THAP5: variants seen among roughly 807,000 people sequenced by gnomAD.
The protein encoded by THAP5 is THAP domain containing 5.
In THAP5, 26 loss-of-function variants were observed where a neutral mutation model predicts 34.0. The observed-to-expected ratio is 0.77, with a 90% CI of 0.56 to 1.06. THAP5 has a LOEUF of 1.06. THAP5 is among the 50% of genes least tolerant of loss of function. The pLI is 0.00. For missense variants in THAP5, 394 were observed against 452.8 expected (o/e 0.87, Z 1.18); for synonymous variants, 125 against 153.0 (o/e 0.82, Z 1.35).
downstream of THAP5, among the ~76,000 whole-genome samples, chr7:108,550,020 C>T (rs1388969418): frequency 3.3e-5 from 5 of 152,164 alleles, no homozygotes; most frequent in Admixed American, 2.0e-4. Context: ...GAATAATAAA[C>T]TATCATCTAG....
chr7:108,553,279 G>C (rs1244410919), downstream of THAP5, among the ~76,000 whole-genome samples: 2 of 152,010 alleles, frequency 1.3e-5, no homozygotes, highest in Admixed American at 1.3e-4. Flanking sequence ...CTGGCCTCAA[G>C]TGATCCTCTT....
the THAP5 span, among the ~76,000 whole-genome samples, chr7:108,543,012 C>T: frequency 2.0e-5 from 3 of 151,950 alleles, no homozygotes; most frequent in Non-Finnish European, 4.4e-5. Context: ...TTGGAACCTC[C>T]GTCTCCCAGG....
chr7:108,552,717 T>C (rs1864361283), downstream of THAP5, among the ~76,000 whole-genome samples: 1 of 152,156 alleles, frequency 6.6e-6, no homozygotes, highest in Admixed American at 6.5e-5. Context: ...GGAGAATTGC[T>C]TGAACCCGGG....
chr7:108,569,663 C>CCCTGCG lies in THAP5; in HGVS notation c.-100_-95dup. On this transcript the variant is annotated 5_prime_UTR_variant, in exon 1 of 3. Coordinates refer to ENST00000415914, the MANE Select transcript of THAP5 (RefSeq NM_001130475.3). ...CGCCACAGGTCCAGGCCTCTCGAGC[C>CCCTGCG]CCTGCGCCTGCGCTAGCATTCTGCC... The CCCTGCG allele has an allele frequency of 6.8e-7, 1 of 1,474,122 alleles. No homozygotes were observed. Among genetic ancestry groups the CCCTGCG allele is most frequent in the East Asian group, 2.5e-5 (1 of 40,390 alleles). 91.3% of individuals were successfully genotyped at this position (1,474,122 alleles called of 1,614,324 possible).
chr7:108,569,647 T>G lies in THAP5; in HGVS notation c.-78A>C. 1.3e-6 allele frequency: 2 copies of G among 1,519,000 alleles called. No individual in the cohort carries two copies. Among genetic ancestry groups the G allele is most frequent in the African/African-American group, 2.8e-5 (2 of 72,422 alleles). 94.1% of individuals were successfully genotyped at this position (1,519,000 alleles called of 1,614,324 possible). A position where few individuals can be genotyped will look rare whatever the true frequency, so the allele number is the denominator to read the frequency against. ...CTCCTCACTGAGGATGCGCCACAGG[T>G]CCAGGCCTCTCGAGCCCCTGCGCCT... On this transcript the variant is annotated 5_prime_UTR_variant, in exon 1 of 3. Transcript: ENST00000415914.
At chr7:108,550,230 T>C (rs1864345045), downstream of THAP5, among the ~76,000 whole-genome samples, 1 of 152,218 alleles carries the variant, frequency 6.6e-6, no homozygotes. Flanking sequence ...GCTTCCAGTG[T>C]AGCTAAGAAG....
chr7:108,563,536 TCAAAAAAAAAAA>T lies in THAP5; in HGVS notation c.*643_*654del, dbSNP rs1790402913. 1 of 16,384 alleles carries T rather than the reference TCAAAAAAAAAAA, an allele frequency of 6.1e-5. No individual in the cohort carries two copies. Among genetic ancestry groups the T allele is most frequent in the Non-Finnish European group, 1.1e-4 (1 of 9,178 alleles). The allele number at this position is 16,384 out of a possible 1,614,324, so 1.0% of individuals were successfully genotyped here. ...CTGGGTTACAGAGTGAGACTCCATCTCAAAAAAAAAAAAAAAAAAAAAAAAAAAAAAGTTTAT... is the reference window on the plus strand; with the variant it reads ...CTGGGTTACAGAGTGAGACTCCATCTAAAAAAAAAAAAAAAAAAAGTTTAT... On this transcript the variant is annotated 3_prime_UTR_variant, in exon 3 of 3. Transcript: ENST00000415914.
At chr7:108,560,704 G>A (rs974937124), downstream of THAP5, among the ~76,000 whole-genome samples, 1 of 152,184 alleles carries the variant, frequency 6.6e-6, no homozygotes. Flanking sequence ...TTTTCCAGAT[G>A]TCTTCCAGAA....
At chr7:108,549,877 T>C (rs1222783065), downstream of THAP5, among the ~76,000 whole-genome samples, 2 of 152,190 alleles carry the variant, frequency 1.3e-5, no homozygotes, top group African/African-American at 4.8e-5. Context: ...TCCAGACCTA[T>C]TGTTGTCATT....
the THAP5 span, among the ~76,000 whole-genome samples, chr7:108,542,386 C>T: frequency 3.3e-5 from 5 of 152,184 alleles, no homozygotes; most frequent in Admixed American, 3.3e-4. Flanking sequence ...AAAAAACAAG[C>T]ATTTTATTAT....
At chr7:108,549,089 T>TACACACACACACAC in the THAP5 span, among the ~76,000 whole-genome samples, 16 of 136,544 alleles carry the variant, frequency 1.2e-4, no homozygotes, top group South Asian at 4.9e-4. Flanking sequence ...ACATGCTTAA[T>TACACACACACACAC]ACACACACAC....
the THAP5 span, among the ~76,000 whole-genome samples, chr7:108,545,364 T>C: frequency 6.6e-6 from 1 of 152,172 alleles, no homozygotes; most frequent in African/African-American, 2.4e-5. Context: ...TTTGAGGGAG[T>C]TGGCAGCAAA....
downstream of THAP5, among the ~76,000 whole-genome samples, chr7:108,558,466 C>T (rs1325569385): frequency 2.0e-5 from 3 of 146,560 alleles, no homozygotes; most frequent in South Asian, 2.1e-4. Flanking sequence ...GGCGCAATCT[C>T]GGCTCAGTGC....
downstream of THAP5, among the ~76,000 whole-genome samples, chr7:108,553,698 C>T (rs1161220275): frequency 1.3e-5 from 2 of 152,120 alleles, no homozygotes; most frequent in Non-Finnish European, 2.9e-5. Flanking sequence ...GAGGTAAGCT[C>T]CTGCTCGTAG....
the THAP5 span, among the ~76,000 whole-genome samples, chr7:108,541,840 A>G: frequency 1.3e-5 from 2 of 152,244 alleles, no homozygotes; most frequent in Non-Finnish European, 2.9e-5. Context: ...ATTCAATCAT[A>G]TAAATGCATT....
At chr7:108,567,206 G>A (rs769829214) in intron 1 of THAP5, among the ~76,000 whole-genome samples, 5 of 152,096 alleles carry the variant, frequency 3.3e-5, no homozygotes, top group Non-Finnish European at 7.4e-5. Context: ...TCCAACCACA[G>A]AAGCAATATT....
intron 1 of THAP5, among the ~76,000 whole-genome samples, chr7:108,555,639 T>C (rs1599007296): frequency 6.6e-6 from 1 of 152,078 alleles, no homozygotes; most frequent in South Asian, 2.1e-4. Context: ...GAAGCATGGT[T>C]GAGGAGGCCT....
rs1208803827 is a variant in THAP5, at chr7:108,569,613, A to G, written c.-44T>C. 7.1e-6 allele frequency: 11 copies of G among 1,547,448 alleles called. No homozygotes were observed. Among genetic ancestry groups the G allele is most frequent in the African/African-American group, 5.5e-5 (4 of 73,114 alleles). On this transcript the variant is annotated 5_prime_UTR_variant, in exon 1 of 3. Transcript: ENST00000415914. Reference sequence around the variant, plus strand: ...GGAGACCGGGGCCGGCGACGGATGCAGGGCGGCCCTCCTCACTGAGGATGC... The same window carrying G: ...GGAGACCGGGGCCGGCGACGGATGCGGGGCGGCCCTCCTCACTGAGGATGC...
chr7:108,546,166 C>G, the THAP5 span, among the ~76,000 whole-genome samples: 2 of 152,128 alleles, frequency 1.3e-5, no homozygotes, highest in South Asian at 4.1e-4. Context: ...TTCACTTTAT[C>G]AACCATCTGT....
Sources: gnomAD v4.1 joint callset for allele counts (sites outside exome capture counted in the v4.1 genomes callset) on GRCh38, gnomAD v4.1.1 for gene constraint, MANE v1.5 for transcripts, NCBI Gene and HGNC (gene_info 2026-07-23, HGNC 2026-07-21) for gene names.